Variants in MYH11 observed in about 807,000 individuals in gnomAD.
The protein encoded by MYH11 is myosin-11.
Under a neutral mutation model 246.6 loss-of-function variants are expected in MYH11, and 80 were observed. That is an observed-to-expected ratio of 0.32 (90% CI 0.27 to 0.39). MYH11 has a LOEUF of 0.39. MYH11 is among the 10% of genes least tolerant of loss of function. The probability of loss-of-function intolerance (pLI) is 1.00; values close to 1 mark genes in which losing one functional copy is unlikely to be tolerated. For synonymous variants in MYH11, 1,071 were observed against 1,015.5 expected, an observed-to-expected ratio of 1.05 and a Z score of -1.04; for missense variants, 2,158 against 2,546.8, an observed-to-expected ratio of 0.85 and a Z score of 3.29.
chr16:15,854,129 C>T (rs766157942), intron 1 of MYH11, among the ~76,000 whole-genome samples: 4 of 152,212 alleles, frequency 2.6e-5, no homozygotes, highest in Non-Finnish European at 5.9e-5. Flanking sequence ...AGATTCTAAT[C>T]ACCACTTTCA....
chr16:15,703,820 TA>T lies in MYH11; in HGVS notation c.*170del. Reference sequence around the variant, plus strand: ...CCAGGCTGGAGGGTGGTGGTTTTTATATTCCTTGTGTGAGGGGTGTCTGTGA... The same window carrying T: ...CCAGGCTGGAGGGTGGTGGTTTTTATTTCCTTGTGTGAGGGGTGTCTGTGA... On this transcript the variant is annotated 3_prime_UTR_variant, in exon 41 of 41. Transcript: ENST00000300036. 1.1e-6 allele frequency: 1 copy of T among 894,910 alleles called. No individual in the cohort carries two copies. The highest frequency in any genetic ancestry group is 1.8e-6 in the Non-Finnish European group (1 of 559,032). The allele number at this position is 894,910 out of a possible 1,614,324, so 55.4% of individuals were successfully genotyped here.
At chr16:15,848,446 C>A (rs963478948) in intron 1 of MYH11, among the ~76,000 whole-genome samples, 1 of 152,068 alleles carries the variant, frequency 6.6e-6, no homozygotes, top group Non-Finnish European at 1.5e-5. Flanking sequence ...ATTGGCCAGG[C>A]TGGTCTTGAA....
Position 15,710,856 on chromosome 16 carries a change from T to G in MYH11, c.5786+4053A>C, listed in dbSNP as rs765770674. Among the ~76,000 whole-genome samples the G allele has an allele frequency of 4.6e-5, 7 of 152,134 alleles. No individual in the cohort carries two copies. The South Asian group carries it at 1.2e-3, about 27-fold the overall frequency. ...CCACGCCTAGCTGATTTTTGTGTTT[T>G]TAGTAGAGATGAAGTTTCACCATGT... On this transcript the variant is annotated intron_variant, in intron 40 of 40. Coordinates refer to ENST00000300036, the MANE Select transcript of MYH11 (RefSeq NM_002474.3).
chr16:15,717,076 C>T, intron 38 of MYH11, 64 bp downstream of exon 38: 1 of 1,554,028 alleles, frequency 6.4e-7, no homozygotes, highest in South Asian at 1.1e-5. Context: ...TCCCTGACTT[C>T]ACTATGACTC....
intron 24 of MYH11, 97 bp downstream of exon 24, chr16:15,738,468 G>A (rs1368632786): frequency 1.7e-5 from 20 of 1,187,640 alleles, no homozygotes; most frequent in East Asian, 2.6e-5. Context: ...AGCCATGATC[G>A]CACCACTGCA....
intron 6 of MYH11, among the ~76,000 whole-genome samples, chr16:15,780,807 A>C (rs933627055): frequency 6.6e-5 from 10 of 152,080 alleles, no homozygotes; most frequent in African/African-American, 2.4e-4. Flanking sequence ...CTTTTAAATG[A>C]AAGCATTAAC....
chr16:15,726,555 G>A (rs34039123), intron 28 of MYH11: 3 of 491,626 alleles, frequency 6.1e-6, no homozygotes, highest in Non-Finnish European at 1.1e-5. Flanking sequence ...ATTTTTAGTA[G>A]AGACTTTTCA....
At chr16:15,717,462 C>T (rs938330263) in intron 37 of MYH11, 114 bp from the exon 38 acceptor site, 41 of 1,072,444 alleles carry the variant, frequency 3.8e-5, no homozygotes, top group Non-Finnish European at 5.4e-5. Context: ...TGATCCCGGG[C>T]ACCCTGTCCT....
chr16:15,794,682 C>G (rs13335794), intron 4 of MYH11, among the ~76,000 whole-genome samples: 25,562 of 152,124 alleles, frequency 0.17, 2,350 homozygotes, highest in Non-Finnish European at 0.2. Flanking sequence ...AGAGGGGAGG[C>G]TGTGGATGGG....
At chr16:15,719,370 A>C in intron 35 of MYH11, 62 bp from the exon 36 acceptor site, 2 of 1,561,810 alleles carry the variant, frequency 1.3e-6, no homozygotes, top group Non-Finnish European at 1.7e-6. Context: ...CCAAGAGTCC[A>C]CCCTGACAAC....
intron 10 of MYH11, 143 bp from the exon 11 acceptor site, chr16:15,760,801 A>T: frequency 1.3e-6 from 1 of 746,960 alleles, no homozygotes; most frequent in Non-Finnish European, 2.4e-6. Flanking sequence ...ATATAGCTTG[A>T]AGTGTCCTAA....
rs957292127 is a variant in MYH11, at chr16:15,703,195, T to A, written c.*796A>T. 1 of 204,594 alleles carries A rather than the reference T, an allele frequency of 4.9e-6. No homozygotes were observed. Among genetic ancestry groups the A allele is most frequent in the Non-Finnish European group, 1.0e-5 (1 of 99,826 alleles). The allele number at this position is 204,594 out of a possible 1,614,324, so 12.7% of individuals were successfully genotyped here. ...TTAAGCACAGTCAGGGTGTAAACAG[T>A]GCAGCATTCCTGCTCCCCTCCGTGG... On this transcript the variant is annotated 3_prime_UTR_variant, in exon 41 of 41. Coordinates refer to ENST00000300036, the MANE Select transcript of MYH11 (RefSeq NM_002474.3).
rs1389602527 is a variant in MYH11 at position 15,703,372 on chromosome 16, A to AG, written c.*618dup. ...TTTGCAGGTTAGGGAATGAATTGGG[A>AG]GTGGGGGCCGGCGGCACCCATTTCG... On this transcript the variant is annotated 3_prime_UTR_variant, in exon 41 of 41. Coordinates refer to ENST00000300036, the MANE Select transcript of MYH11 (RefSeq NM_002474.3). 2 of 237,404 alleles carry AG rather than the reference A, an allele frequency of 8.4e-6. No individual in the cohort carries two copies. The highest frequency in any genetic ancestry group is 5.1e-5 in the Admixed American group (1 of 19,584). The allele number at this position is 237,404 out of a possible 1,614,324, so 14.7% of individuals were successfully genotyped here.
chr16:15,708,772 A>G, intron 40 of MYH11: 1 of 1,597,114 alleles, frequency 6.3e-7, no homozygotes, highest in Non-Finnish European at 8.5e-7. Context: ...TACTGAGACA[A>G]CACACAGCTG....
At chr16:15,735,768 G>A (rs1022532098) in intron 25 of MYH11, among the ~76,000 whole-genome samples, 190 bp from the exon 26 acceptor site, 2 of 152,210 alleles carry the variant, frequency 1.3e-5, no homozygotes, top group African/African-American at 4.8e-5. Flanking sequence ...GAGTGCCAAG[G>A]TCTGACATCA....
chr16:15,775,948 T>C (rs1185280879), intron 8 of MYH11, 130 bp downstream of exon 8: 8 of 783,410 alleles, frequency 1.0e-5, no homozygotes, highest in Non-Finnish European at 1.9e-5. Context: ...GAACTGTTCA[T>C]ATGTCACTCA....
At chr16:15,772,245 C>G (rs1567748188) in intron 8 of MYH11, among the ~76,000 whole-genome samples, 2 of 151,996 alleles carry the variant, frequency 1.3e-5, no homozygotes, top group African/African-American at 4.8e-5. Flanking sequence ...GCGCCCGCCA[C>G]CACGCCCGGC....
rs1348863162 is a variant in MYH11 at position 15,738,841 on chromosome 16, A to G, written c.2998-153T>C. Among the ~76,000 whole-genome samples, 48 of 152,360 alleles carry G rather than the reference A, an allele frequency of 3.2e-4. 1 individual carries two copies. The highest frequency in any genetic ancestry group is 2.9e-3 in the Admixed American group (44 of 15,310). Reference sequence around the variant, plus strand: ...GTTTTAAATGGTAAAGAGAAGTCCCATAACAATTTCCAAAAACTGGCCATT... The same window carrying G: ...GTTTTAAATGGTAAAGAGAAGTCCCGTAACAATTTCCAAAAACTGGCCATT... On this transcript the variant is annotated intron_variant, in intron 23 of 40. Coordinates refer to ENST00000300036, the MANE Select transcript of MYH11 (RefSeq NM_002474.3).
intron 3 of MYH11, among the ~76,000 whole-genome samples, chr16:15,806,125 A>C (rs1018080685): frequency 2.6e-5 from 4 of 151,452 alleles, no homozygotes; most frequent in African/African-American, 9.7e-5. Context: ...AAAAATACAA[A>C]AATTAGCCAG....
Sources: gnomAD v4.1 joint callset for allele counts (sites outside exome capture counted in the v4.1 genomes callset) on GRCh38, gnomAD v4.1.1 for gene constraint, MANE v1.5 for transcripts, NCBI Gene and HGNC (gene_info 2026-07-23, HGNC 2026-07-21) for gene names.